The following CHODL variants were observed in gnomAD, a reference collection of about 807,000 sequenced individuals.
CHODL encodes transmembrane protein MT75.
Under a neutral mutation model 34.5 loss-of-function variants are expected in CHODL, and 29 were observed. The observed-to-expected ratio is 0.84, with a 90% CI of 0.63 to 1.15. The LOEUF (loss-of-function observed/expected upper bound fraction) is 1.15. Ranked by LOEUF, CHODL falls within the 50% of genes most tolerant of loss-of-function variation. CHODL has a pLI of 0.00. For synonymous variants in CHODL, 125 were observed against 116.1 expected (o/e 1.08, Z -0.49); for missense variants, 332 against 332.5 (o/e 1.00, Z 0.01).
At chr21:17,927,685 G>A (rs1353685215) in intron 1 of CHODL, among the ~76,000 whole-genome samples, 1 of 152,220 alleles carries the variant, frequency 6.6e-6, no homozygotes, top group Non-Finnish European at 1.5e-5. Flanking sequence ...CACTGTTTCT[G>A]CCAGAGGGAG....
At chr21:18,087,975 G>T (rs1167587876) in intron 2 of CHODL, among the ~76,000 whole-genome samples, 1 of 152,156 alleles carries the variant, frequency 6.6e-6, no homozygotes, top group African/African-American at 2.4e-5. Flanking sequence ...TCACATGATG[G>T]AGCAGGAGAG....
chr21:18,020,590 CCCTTCA>C (rs2064119015), intron 1 of CHODL, among the ~76,000 whole-genome samples: 1 of 152,098 alleles, frequency 6.6e-6, no homozygotes. Flanking sequence ...ATTCTTTAAA[CCCTTCA>C]GTTCTTCTTC....
Position 18,245,218 on chromosome 21 carries a change from G to A in CHODL, c.-6G>A, listed in dbSNP as rs1416686557. On this transcript the variant is annotated 5_prime_UTR_variant, in exon 1 of 6. Transcript: ENST00000299295. ...ACGCAACACCTGCTGCTGCCACCGC[G>A]CCGCGATGAGCCGCGTGGTCTCGCT... The A allele has an allele frequency of 3.3e-5, 48 of 1,440,136 alleles. No homozygotes were observed. The highest frequency in any genetic ancestry group is 4.1e-5 in the Non-Finnish European group (45 of 1,093,160). 89.2% of individuals were successfully genotyped at this position (1,440,136 alleles called of 1,614,324 possible). A position where few individuals can be genotyped will look rare whatever the true frequency, so the allele number is the denominator to read the frequency against.
intron 1 of CHODL, among the ~76,000 whole-genome samples, chr21:17,994,953 C>T (rs1010570222): frequency 2.0e-5 from 3 of 152,104 alleles, no homozygotes; most frequent in Admixed American, 6.5e-5. Context: ...GGAGCAAATA[C>T]TTTGGCTTCC....
At chr21:17,982,305 C>A (rs1015714056) in intron 1 of CHODL, among the ~76,000 whole-genome samples, 4 of 152,178 alleles carry the variant, frequency 2.6e-5, no homozygotes, top group African/African-American at 9.7e-5. Context: ...AGATCTTTGA[C>A]TAAGTTTTAC....
At chr21:18,146,962 A>G (rs2072898205) in intron 2 of CHODL, among the ~76,000 whole-genome samples, 1 of 152,192 alleles carries the variant, frequency 6.6e-6, no homozygotes, top group Admixed American at 6.5e-5. Flanking sequence ...GAGGGTGAAA[A>G]GTGACTCATT....
At chr21:18,102,824 G>C (rs544812293) in intron 2 of CHODL, among the ~76,000 whole-genome samples, 1 of 152,246 alleles carries the variant, frequency 6.6e-6, no homozygotes, top group Non-Finnish European at 1.5e-5. Context: ...AGTACAGGAA[G>C]GGAAACTTTA....
At chr21:18,180,886 A>G (rs950012002) in intron 2 of CHODL, among the ~76,000 whole-genome samples, 2 of 152,232 alleles carry the variant, frequency 1.3e-5, no homozygotes, top group African/African-American at 2.4e-5. Context: ...CAATTTCTCC[A>G]TGTGTAAACA....
At chr21:17,969,485 A>G (rs2063597718) in intron 1 of CHODL, among the ~76,000 whole-genome samples, 1 of 152,236 alleles carries the variant, frequency 6.6e-6, no homozygotes, top group African/African-American at 2.4e-5. Context: ...TAACAGAACT[A>G]GTGGCTTTAT....
chr21:18,208,737 T>C (rs543016988), intron 2 of CHODL, among the ~76,000 whole-genome samples: 1 of 152,268 alleles, frequency 6.6e-6, no homozygotes, highest in Admixed American at 6.5e-5. Context: ...AGTAATGACA[T>C]GGCTCTTGCA....
chr21:18,189,681 C>G (rs1348643213), intron 2 of CHODL, among the ~76,000 whole-genome samples: 1 of 140,474 alleles, frequency 7.1e-6, no homozygotes, highest in Non-Finnish European at 1.5e-5. Flanking sequence ...GTCACCTCGG[C>G]TGGAGTGCAG....
chr21:18,196,137 C>T (rs968752336), intron 2 of CHODL, among the ~76,000 whole-genome samples: 4 of 152,166 alleles, frequency 2.6e-5, no homozygotes, highest in African/African-American at 9.6e-5. Context: ...ATTCCAGTAG[C>T]TGTAATTACT....
rs2063482653 is a variant in CHODL, at chr21:17,954,528, G to T, written c.-145+37128G>T. ...CTGTTGATGGCCTAACTAGAACAAA[G>T]AGACAGAGGAAGGGAGAATTTGTTC... On this transcript the variant is annotated intron_variant, in intron 1 of 6. Coordinates refer to the CHODL transcript ENST00000400127. Among the ~76,000 whole-genome samples the T allele has an allele frequency of 3.9e-5, 5 of 127,704 alleles. 2 individuals carry two copies. The highest frequency in any genetic ancestry group is 3.2e-4 in the South Asian group (1 of 3,162). 83.8% of individuals were successfully genotyped at this position (127,704 alleles called of 152,430 possible).
intron 1 of CHODL, among the ~76,000 whole-genome samples, chr21:18,011,760 C>A (rs1247612898): frequency 6.6e-6 from 1 of 152,096 alleles, no homozygotes; most frequent in Non-Finnish European, 1.5e-5. Context: ...TATTTTTCTT[C>A]TTTCTTTTGA....
At chr21:18,051,806 G>A (rs767715081) in intron 2 of CHODL, among the ~76,000 whole-genome samples, 4 of 151,984 alleles carry the variant, frequency 2.6e-5, no homozygotes, top group Non-Finnish European at 4.4e-5. Context: ...TGCTGTTGAT[G>A]AAGAAAATAA....
intron 2 of CHODL, among the ~76,000 whole-genome samples, chr21:18,028,685 G>C (rs1222659206): frequency 2.7e-5 from 3 of 112,126 alleles, no homozygotes; most frequent in Non-Finnish European, 3.5e-5. Flanking sequence ...GGCAACAAGA[G>C]CAAAACTCCA....
At chr21:17,963,784 T>C (rs1198501551) in intron 1 of CHODL, among the ~76,000 whole-genome samples, 1 of 152,122 alleles carries the variant, frequency 6.6e-6, no homozygotes, top group Non-Finnish European at 1.5e-5. Context: ...CTCTATTATC[T>C]AGCTGAAGGC....
chr21:18,188,943 G>C (rs1013463085), intron 2 of CHODL, among the ~76,000 whole-genome samples: 28 of 152,338 alleles, frequency 1.8e-4, no homozygotes, highest in African/African-American at 6.3e-4. Flanking sequence ...GGTGATGCCA[G>C]TTCAAGATTG....
intron 2 of CHODL, among the ~76,000 whole-genome samples, chr21:18,148,253 G>A (rs1326123788): frequency 6.6e-6 from 1 of 152,026 alleles, no homozygotes; most frequent in East Asian, 1.9e-4. Flanking sequence ...ACAACTCACA[G>A]CAAAGATAAA....
Sources: gnomAD v4.1 joint callset for allele counts (sites outside exome capture counted in the v4.1 genomes callset) on GRCh38, gnomAD v4.1.1 for gene constraint, MANE v1.5 for transcripts, NCBI Gene and HGNC (gene_info 2026-07-23, HGNC 2026-07-21) for gene names.